Variants in VRK2 observed in about 807,000 individuals in gnomAD.
VRK2 encodes serine/threonine-protein kinase VRK2.
A neutral mutation model predicts 57.6 loss-of-function variants in VRK2; 60 were observed. That is an observed-to-expected ratio of 1.04 (90% CI 0.85 to 1.29). The LOEUF (loss-of-function observed/expected upper bound fraction) is 1.29. Among genes scored for constraint, VRK2 ranks in the 50% most tolerant of loss-of-function variants. The pLI, the probability that VRK2 is intolerant of heterozygous loss-of-function variation, is 0.00. For missense variants in VRK2, 705 were observed against 588.1 expected (o/e 1.20, Z -2.06); for synonymous variants, 231 against 199.2 (o/e 1.16, Z -1.35).
At chr2:58,132,259 G>A (rs1205276426) in intron 9 of VRK2, among the ~76,000 whole-genome samples, 3 of 152,184 alleles carry the variant, frequency 2.0e-5, no homozygotes, top group Non-Finnish European at 4.4e-5. Context: ...GTATGTTGAA[G>A]TAGTCTGAGC....
intron 1 of VRK2, among the ~76,000 whole-genome samples, chr2:57,985,722 C>G (rs2104065200): frequency 6.6e-6 from 1 of 151,770 alleles, no homozygotes; most frequent in South Asian, 2.1e-4. Context: ...AAGAAGGCAA[C>G]AAAAAGAAAT....
chr2:58,097,094 G>A (rs1673251546), intron 7 of VRK2, among the ~76,000 whole-genome samples: 1 of 151,986 alleles, frequency 6.6e-6, no homozygotes. Context: ...ATCAGTTTTT[G>A]TCAGTCTTCC....
intron 1 of VRK2, among the ~76,000 whole-genome samples, chr2:57,997,130 G>T (rs538711735): frequency 1.3e-5 from 2 of 152,134 alleles, no homozygotes; most frequent in South Asian, 4.1e-4. Context: ...GTCATTGATG[G>T]AAAGAAAAAA....
chr2:58,114,693 A>G (rs1200075532), intron 7 of VRK2, among the ~76,000 whole-genome samples: 1 of 151,288 alleles, frequency 6.6e-6, no homozygotes, highest in Non-Finnish European at 1.5e-5. Flanking sequence ...TAAAGGTTTC[A>G]CTGAATACTG....
At chr2:57,935,803 G>T (rs750975348) in intron 1 of VRK2, among the ~76,000 whole-genome samples, 1 of 152,184 alleles carries the variant, frequency 6.6e-6, no homozygotes, top group Non-Finnish European at 1.5e-5. Flanking sequence ...TGTCATTAGA[G>T]AAACTGCAGA....
At chr2:58,009,902 A>G (rs1156925098) in intron 1 of VRK2, among the ~76,000 whole-genome samples, 1 of 151,978 alleles carries the variant, frequency 6.6e-6, no homozygotes, top group African/African-American at 2.4e-5. Context: ...ATGCAGGCCT[A>G]TAGGTTGTAA....
intron 3 of VRK2, among the ~76,000 whole-genome samples, chr2:58,033,929 TATCTTGTCTAG>T (rs1369874406): frequency 1.3e-5 from 2 of 152,030 alleles, no homozygotes; most frequent in Non-Finnish European, 2.9e-5. Context: ...TACTAGAATA[TATCTTGTCTAG>T]ATCAACTCTT....
intron 2 of VRK2, among the ~76,000 whole-genome samples, chr2:58,079,717 C>T (rs1670594740): frequency 6.6e-6 from 1 of 151,872 alleles, no homozygotes. Flanking sequence ...AATTTTATTG[C>T]TTAATTTGCT....
At chr2:57,909,763 A>T (rs1455013332) in intron 1 of VRK2, among the ~76,000 whole-genome samples, 1 of 152,206 alleles carries the variant, frequency 6.6e-6, no homozygotes. Context: ...AACTCTTAAT[A>T]GATTTTTAAT....
chr2:58,019,358 C>A (rs529418128), intron 1 of VRK2, among the ~76,000 whole-genome samples: 61 of 152,236 alleles, frequency 4.0e-4, no homozygotes, highest in African/African-American at 1.3e-3. Context: ...TGGTCCCATA[C>A]ATGTAAACAT....
chr2:58,148,617 T>C (rs545552782), intron 12 of VRK2, among the ~76,000 whole-genome samples: 1 of 151,972 alleles, frequency 6.6e-6, no homozygotes, highest in South Asian at 2.1e-4. Context: ...CACAAAGTTA[T>C]TTTGCTATAT....
intron 8 of VRK2, among the ~76,000 whole-genome samples, chr2:58,123,833 C>T (rs370582132): frequency 7.3e-5 from 11 of 150,688 alleles, no homozygotes; most frequent in Admixed American, 7.3e-4. Flanking sequence ...CCAACCTGGG[C>T]GACAGAGCAA....
At chr2:58,026,727 T>C (rs1673940117) in intron 2 of VRK2, 1 of 152,174 alleles carries the variant, frequency 6.6e-6, no homozygotes, top group Non-Finnish European at 1.5e-5. Flanking sequence ...TTATTCGTTT[T>C]TGTTTTTTTG....
chr2:58,116,776 C>T (rs1262023191), intron 7 of VRK2, among the ~76,000 whole-genome samples: 13 of 152,284 alleles, frequency 8.5e-5, no homozygotes, highest in African/African-American at 1.9e-4. Context: ...TTGAACAGTC[C>T]GATTTCCCAT....
intron 7 of VRK2, among the ~76,000 whole-genome samples, chr2:58,106,354 C>G (rs1674748180): frequency 6.6e-6 from 1 of 151,962 alleles, no homozygotes; most frequent in African/African-American, 2.4e-5. Context: ...CCTATTTAAT[C>G]AAACAGGCTT....
intron 1 of VRK2, among the ~76,000 whole-genome samples, chr2:57,921,933 A>AT (rs1242102546): frequency 6.6e-6 from 1 of 152,104 alleles, no homozygotes; most frequent in Non-Finnish European, 1.5e-5. Context: ...TGCTGATCCA[A>AT]TTACTTATAC....
chr2:58,001,117 G>T (rs958796176), intron 1 of VRK2, among the ~76,000 whole-genome samples: 1 of 152,082 alleles, frequency 6.6e-6, no homozygotes, highest in Non-Finnish European at 1.5e-5. Flanking sequence ...GAAGCAGATG[G>T]AATAAAAAAA....
At chr2:58,060,645 A>G (rs1033760489) in intron 2 of VRK2, among the ~76,000 whole-genome samples, 4 of 151,948 alleles carry the variant, frequency 2.6e-5, no homozygotes, top group African/African-American at 9.6e-5. Flanking sequence ...AGACATGCAA[A>G]ATAAAGACCA....
At chr2:57,983,509 A>G (rs1264968840) in intron 1 of VRK2, among the ~76,000 whole-genome samples, 1 of 152,098 alleles carries the variant, frequency 6.6e-6, no homozygotes, top group African/African-American at 2.4e-5. Context: ...TGCTACCACA[A>G]CCCTGCCAAA....
Sources: gnomAD v4.1 joint callset for allele counts (sites outside exome capture counted in the v4.1 genomes callset) on GRCh38, gnomAD v4.1.1 for gene constraint, MANE v1.5 for transcripts, NCBI Gene and HGNC (gene_info 2026-07-23, HGNC 2026-07-21) for gene names.